CHN2: variants seen among roughly 807,000 people sequenced by gnomAD.
The protein encoded by CHN2 is beta-chimaerin.
Under a neutral mutation model 56.3 loss-of-function variants are expected in CHN2, and 35 were observed. That is an observed-to-expected ratio of 0.62 (90% CI 0.47 to 0.82). The LOEUF (loss-of-function observed/expected upper bound fraction) is 0.82, where lower values mean the gene tolerates loss of function less well. CHN2 is among the 40% of genes least tolerant of loss of function. The pLI, the probability that CHN2 is intolerant of heterozygous loss-of-function variation, is 0.00. For missense variants in CHN2, 491 were observed against 580.5 expected, an observed-to-expected ratio of 0.85 and a Z score of 1.58; for synonymous variants, 210 against 212.8, an observed-to-expected ratio of 0.99 and a Z score of 0.12.
chr7:29,282,415 C>T (rs559312534), intron 1 of CHN2, among the ~76,000 whole-genome samples: 10 of 152,330 alleles, frequency 6.6e-5, no homozygotes, highest in Admixed American at 2.0e-4. Flanking sequence ...ACTGAAATAG[C>T]TTTCCTTTTT....
chr7:29,299,450 T>C (rs1040560743), intron 1 of CHN2, among the ~76,000 whole-genome samples: 6 of 152,014 alleles, frequency 3.9e-5, no homozygotes, highest in African/African-American at 1.5e-4. Context: ...TTTTGGGGAG[T>C]GTTTTCTGTT....
chr7:29,510,924 G>T (rs1478819603), intron 12 of CHN2, among the ~76,000 whole-genome samples: 1 of 141,494 alleles, frequency 7.1e-6, no homozygotes. Context: ...TAGAACCTCT[G>T]GTGACACTAT....
chr7:29,440,665 A>G (rs1783569681), intron 6 of CHN2, among the ~76,000 whole-genome samples: 3 of 148,680 alleles, frequency 2.0e-5, no homozygotes, highest in Admixed American at 1.4e-4. Flanking sequence ...AGCCTGGGCA[A>G]CACAATGAGA....
At chr7:29,317,112 C>T (rs917843772) in intron 1 of CHN2, among the ~76,000 whole-genome samples, 1 of 152,076 alleles carries the variant, frequency 6.6e-6, no homozygotes, top group African/African-American at 2.4e-5. Flanking sequence ...AGAAGGACTG[C>T]TACACAGATA....
chr7:29,182,835 C>T (rs1238228344), intron 2 of CHN2, among the ~76,000 whole-genome samples: 1 of 152,116 alleles, frequency 6.6e-6, no homozygotes, highest in African/African-American at 2.4e-5. Context: ...AGACAGCATC[C>T]TATTGTGTTA....
intron 4 of CHN2, chr7:29,397,876 GA>G (rs1169613269): frequency 6.6e-6 from 1 of 152,664 alleles, no homozygotes; most frequent in African/African-American, 2.4e-5. Context: ...ATAACTGGAA[GA>G]ATGTTGATGA....
chr7:29,480,448 C>T (rs1787069461), intron 7 of CHN2, 92 bp downstream of exon 7: 1 of 1,313,658 alleles, frequency 7.6e-7, no homozygotes, highest in Admixed American at 1.9e-5. Flanking sequence ...ACTGTAAAGT[C>T]AAGAGACAAT....
intron 1 of CHN2, among the ~76,000 whole-genome samples, chr7:29,347,458 A>G (rs188907884): frequency 6.6e-6 from 1 of 152,262 alleles, no homozygotes; most frequent in Admixed American, 6.5e-5. Flanking sequence ...CAGGAAACTT[A>G]CAATCATGGT....
intron 1 of CHN2, among the ~76,000 whole-genome samples, chr7:29,269,852 G>A (rs1294157533): frequency 6.6e-6 from 1 of 152,182 alleles, no homozygotes; most frequent in Non-Finnish European, 1.5e-5. Flanking sequence ...TAATGACCGT[G>A]AAACCTTCCC....
At chr7:29,202,286 T>G (rs1784218693) in intron 1 of CHN2, among the ~76,000 whole-genome samples, 1 of 152,220 alleles carries the variant, frequency 6.6e-6, no homozygotes, top group Non-Finnish European at 1.5e-5. Flanking sequence ...GGATTTTTAC[T>G]TCTACAAAAA....
chr7:29,497,875 A>G (rs1358475955), intron 8 of CHN2, among the ~76,000 whole-genome samples: 1 of 152,158 alleles, frequency 6.6e-6, no homozygotes, highest in Non-Finnish European at 1.5e-5. Flanking sequence ...AGAGGTAGAA[A>G]GTTGAATGGT....
At chr7:29,196,953 G>A (rs1427079730) in intron 1 of CHN2, among the ~76,000 whole-genome samples, 4 of 152,208 alleles carry the variant, frequency 2.6e-5, no homozygotes, top group Admixed American at 2.0e-4. Flanking sequence ...TGTTTGGCAT[G>A]AATCAGCCTA....
At chr7:29,209,661 G>C (rs1377444981) in intron 1 of CHN2, among the ~76,000 whole-genome samples, 1 of 152,172 alleles carries the variant, frequency 6.6e-6, no homozygotes, top group Non-Finnish European at 1.5e-5. Flanking sequence ...TATATTATTA[G>C]AAAGGCAGGG....
chr7:29,481,530 A>ACAGC (rs1787225261), intron 7 of CHN2, among the ~76,000 whole-genome samples: 1 of 152,222 alleles, frequency 6.6e-6, no homozygotes, highest in East Asian at 1.9e-4. Context: ...ATGGAATTAT[A>ACAGC]CAGCCCTACA....
intron 6 of CHN2, among the ~76,000 whole-genome samples, chr7:29,443,760 AG>A (rs1237082602): frequency 6.6e-6 from 1 of 151,688 alleles, no homozygotes. Flanking sequence ...GAGAGATGGC[AG>A]GGGGGTGAGA....
At chr7:29,281,692 C>T (rs1241502990) in intron 1 of CHN2, among the ~76,000 whole-genome samples, 1 of 150,400 alleles carries the variant, frequency 6.6e-6, no homozygotes, top group Non-Finnish European at 1.5e-5. Flanking sequence ...CCTCTCTCCC[C>T]TACACAGTAG....
At chr7:29,331,712 G>A (rs149002557) in intron 1 of CHN2, among the ~76,000 whole-genome samples, 94 of 152,316 alleles carry the variant, frequency 6.2e-4, no homozygotes, top group African/African-American at 2.1e-3. Context: ...TTGACTGGGA[G>A]AGGGAAGGAG....
At chr7:29,195,142 G>T (rs757904105) in intron 1 of CHN2, 152 bp downstream of exon 1, 10 of 726,384 alleles carry the variant, frequency 1.4e-5, no homozygotes, top group Non-Finnish European at 2.1e-5. Context: ...TGTTTGGTTC[G>T]CCAGCACCTC....
intron 3 of CHN2, among the ~76,000 whole-genome samples, chr7:29,372,818 T>G (rs1376037124): frequency 1.3e-5 from 2 of 152,220 alleles, no homozygotes; most frequent in Non-Finnish European, 2.9e-5. Context: ...ATGGCAAGAT[T>G]TACTTGTGTG....
Sources: gnomAD v4.1 joint callset for allele counts (sites outside exome capture counted in the v4.1 genomes callset) on GRCh38, gnomAD v4.1.1 for gene constraint, MANE v1.5 for transcripts, NCBI Gene and HGNC (gene_info 2026-07-23, HGNC 2026-07-21) for gene names.